TTLL11: variants seen among roughly 807,000 people sequenced by gnomAD.
The protein encoded by TTLL11 is tubulin tyrosine ligase like 11, also known as tubulin polyglutamylase TTLL11.
In TTLL11, 42 loss-of-function variants were observed where a neutral mutation model predicts 51.7. The ratio of observed to expected loss-of-function variants is 0.81; its 90% CI spans 0.64 to 1.05. The LOEUF (loss-of-function observed/expected upper bound fraction) is 1.05, where lower values mean the gene tolerates loss of function less well. TTLL11 is among the 50% of genes least tolerant of loss of function. The pLI is 0.00. For synonymous variants in TTLL11, 381 were observed against 383.5 expected (o/e 0.99, Z 0.08); for missense variants, 799 against 940.4 (o/e 0.85, Z 1.97).
intron 3 of TTLL11, among the ~76,000 whole-genome samples, chr9:122,030,725 C>A (rs1017793226): frequency 6.8e-6 from 1 of 147,174 alleles, no homozygotes; most frequent in Non-Finnish European, 1.5e-5. Context: ...AGATCGAGAC[C>A]AGCCTGGCCA....
chr9:122,085,973 G>A (rs895032423), intron 1 of TTLL11, among the ~76,000 whole-genome samples: 20 of 152,238 alleles, frequency 1.3e-4, no homozygotes, highest in African/African-American at 4.3e-4. Context: ...AACAGTGGTC[G>A]ATTACTTTTA....
At chr9:121,903,418 T>C (rs1839835367) in intron 6 of TTLL11, among the ~76,000 whole-genome samples, 1 of 152,182 alleles carries the variant, frequency 6.6e-6, no homozygotes, top group South Asian at 2.1e-4. Context: ...CTATCATATG[T>C]ATGGCAAAGC....
chr9:121,929,398 C>T (rs558422405), intron 6 of TTLL11, among the ~76,000 whole-genome samples: 1 of 152,040 alleles, frequency 6.6e-6, no homozygotes, highest in South Asian at 2.1e-4. Context: ...CGAGATCACA[C>T]CATAGCACTC....
intron 6 of TTLL11, among the ~76,000 whole-genome samples, chr9:121,900,136 A>G (rs572761769): frequency 3.3e-5 from 5 of 152,328 alleles, no homozygotes; most frequent in South Asian, 4.1e-4. Context: ...AATAGTCCCA[A>G]TGGCCTCTGG....
chr9:122,034,173 G>A (rs1232384815), intron 2 of TTLL11, among the ~76,000 whole-genome samples: 2 of 152,324 alleles, frequency 1.3e-5, no homozygotes, highest in African/African-American at 4.8e-5. Context: ...GTTGTGCCGG[G>A]GGAATGTTCT....
In TTLL11 at chr9:121,820,076, C is replaced by T. The variant is rs775665750; in HGVS notation, c.*2511G>A. Among the ~76,000 whole-genome samples the T allele has an allele frequency of 7.2e-5, 11 of 152,156 alleles. No homozygotes were observed. Among genetic ancestry groups the T allele is most frequent in the African/African-American group, 1.2e-4 (5 of 41,426 alleles). ...TGTCTGCAGAGGAGGGGGCTGCTCC[C>T]GGGACAGAGGGGCCATGGTGGGCGG... On this transcript the variant is annotated 3_prime_UTR_variant, in exon 9 of 9. Coordinates refer to ENST00000321582, the MANE Select transcript of TTLL11 (RefSeq NM_001139442.2).
chr9:122,052,531 C>G (rs1175035349), intron 1 of TTLL11, among the ~76,000 whole-genome samples: 1 of 152,208 alleles, frequency 6.6e-6, no homozygotes, highest in Admixed American at 6.5e-5. Context: ...ATGCTTGATG[C>G]ATAGCAGGTG....
chr9:121,895,158 C>T (rs1839409462), intron 6 of TTLL11, among the ~76,000 whole-genome samples: 2 of 152,200 alleles, frequency 1.3e-5, no homozygotes, highest in Admixed American at 6.5e-5. Flanking sequence ...ACACTTCACT[C>T]CCTACAGAGT....
Position 121,817,975 on chromosome 9 carries a change from A to G in TTLL11, c.*4612T>C, listed in dbSNP as rs149678326. On this transcript the variant is annotated 3_prime_UTR_variant, in exon 9 of 9. Coordinates refer to ENST00000321582, the MANE Select transcript of TTLL11 (RefSeq NM_001139442.2). ...ATGCAGGAAAGGGCCTGGGGTCTAG[A>G]AAGGCATGGAACACCATTTCAAGTG... 0.016 allele frequency: 2,453 copies of G among 152,418 alleles called. 23 individuals carry two copies. Among genetic ancestry groups the G allele is most frequent in the Middle Eastern group, 0.058 (17 of 294 alleles). 9.4% of individuals were successfully genotyped at this position (152,418 alleles called of 1,614,324 possible). A position where few individuals can be genotyped will look rare whatever the true frequency, so the allele number is the denominator to read the frequency against.
intron 6 of TTLL11, among the ~76,000 whole-genome samples, chr9:121,891,402 A>G (rs1485649962): frequency 1.3e-5 from 2 of 152,192 alleles, no homozygotes; most frequent in Non-Finnish European, 2.9e-5. Context: ...TTTAACACCT[A>G]GCAGTTCAGT....
At chr9:122,088,227 T>C (rs974565922) in intron 1 of TTLL11, among the ~76,000 whole-genome samples, 1 of 152,210 alleles carries the variant, frequency 6.6e-6, no homozygotes, top group African/African-American at 2.4e-5. Context: ...CATCATCCCA[T>C]CCTGCATGTA....
At chr9:121,930,412 A>C (rs1840920378) in intron 6 of TTLL11, among the ~76,000 whole-genome samples, 1 of 152,226 alleles carries the variant, frequency 6.6e-6, no homozygotes, top group South Asian at 2.1e-4. Context: ...TGCCTGGGGA[A>C]AGTATAGATA....
At position 121,953,876 on chromosome 9, in the gene TTLL11, T is replaced by G. The variant is rs141366078; in HGVS notation, c.1481+20133A>C. Among the ~76,000 whole-genome samples, 6 of 152,332 alleles carry G rather than the reference T, an allele frequency of 3.9e-5. No homozygotes were observed. In the East Asian group the frequency reaches 1.2e-3, roughly 29 times the overall value. On this transcript the variant is annotated intron_variant, in intron 6 of 8. Transcript: ENST00000321582. ...AGAGATTTACCTGTTGCTGGAGTTC[T>G]ATCAGAACAGCCACCTGTACAACTT...
chr9:121,954,185 G>C (rs1841948181), intron 6 of TTLL11, among the ~76,000 whole-genome samples: 4 of 152,196 alleles, frequency 2.6e-5, no homozygotes, highest in Non-Finnish European at 4.4e-5. Context: ...CAGCTGCAGT[G>C]ACACTTGTCT....
intron 4 of TTLL11, among the ~76,000 whole-genome samples, chr9:121,982,875 G>C (rs935366947): frequency 1.3e-5 from 2 of 152,322 alleles, no homozygotes; most frequent in East Asian, 3.9e-4. Context: ...ACAAGGGGCA[G>C]ATGGCGCTGC....
chr9:121,913,205 C>T (rs907288016), intron 6 of TTLL11, among the ~76,000 whole-genome samples: 1 of 152,206 alleles, frequency 6.6e-6, no homozygotes, highest in Admixed American at 6.5e-5. Context: ...ATCTGGATGA[C>T]AAGACTGTAA....
intron 1 of TTLL11, among the ~76,000 whole-genome samples, chr9:122,076,080 G>A (rs952533928): frequency 3.3e-5 from 5 of 152,162 alleles, no homozygotes; most frequent in African/African-American, 1.2e-4. Context: ...CCCTGAGGCT[G>A]GGTATCTTAC....
At chr9:121,964,205 A>C (rs1379318899) in intron 6 of TTLL11, among the ~76,000 whole-genome samples, 1 of 151,774 alleles carries the variant, frequency 6.6e-6, no homozygotes, top group Non-Finnish European at 1.5e-5. Flanking sequence ...TGTGCCAGGG[A>C]CTAAGAATAA....
chr9:121,981,627 C>T (rs1048009608), intron 4 of TTLL11, among the ~76,000 whole-genome samples: 2 of 152,076 alleles, frequency 1.3e-5, no homozygotes, highest in African/African-American at 2.4e-5. Flanking sequence ...CTGGACGTTG[C>T]GATATTTCAA....
Sources: allele counts gnomAD v4.1 joint callset (sites outside exome capture counted in the v4.1 genomes callset), GRCh38; gene constraint gnomAD v4.1.1; transcripts MANE v1.5; gene names NCBI Gene and HGNC (gene_info 2026-07-23, HGNC 2026-07-21).